CFAP47: variants seen among roughly 807,000 people sequenced by gnomAD.
CFAP47 encodes the protein cilia- and flagella-associated protein 47.
In CFAP47, 29 loss-of-function variants were observed where a neutral mutation model predicts 148.1. The observed-to-expected ratio is 0.20, with a 90% CI of 0.15 to 0.27. The LOEUF is 0.27. Among genes scored for constraint, CFAP47 ranks in the 10% least tolerant of loss-of-function variants. The probability of loss-of-function intolerance (pLI) is 1.00; values close to 1 mark genes in which losing one functional copy is unlikely to be tolerated. For missense variants in CFAP47, 1,872 were observed against 1,697.5 expected (o/e 1.10, Z -1.81); for synonymous variants, 664 against 577.3 (o/e 1.15, Z -2.15).
chrX:36,061,985 T>G (rs899276180), intron 26 of CFAP47, among the ~76,000 whole-genome samples: 2 of 111,925 alleles, frequency 1.8e-5, no homozygotes, highest in African/African-American at 6.5e-5. Flanking sequence ...TTTTAACCCT[T>G]CGTAGCCACT....
At chrX:36,235,147 G>T (rs922728855) in intron 46 of CFAP47, among the ~76,000 whole-genome samples, 18 of 111,655 alleles carry the variant, frequency 1.6e-4, no homozygotes, top group African/African-American at 5.5e-4. Flanking sequence ...TCTCTTCAAA[G>T]CTGTCAGACA....
At chrX:36,294,035 C>G (rs1556005988) in intron 51 of CFAP47, among the ~76,000 whole-genome samples, 2 of 111,187 alleles carry the variant, frequency 1.8e-5, no homozygotes, top group Admixed American at 9.5e-5. Flanking sequence ...TTTGAAAGGA[C>G]CCAGAGCAAG....
chrX:36,031,637 A>G (rs922136893), intron 23 of CFAP47, among the ~76,000 whole-genome samples: 1 of 110,030 alleles, frequency 9.1e-6, no homozygotes, highest in Admixed American at 9.8e-5. Context: ...TAATTAAATT[A>G]TTCCATTCTC....
rs1266616829 is a variant in CFAP47, at chrX:36,369,252, T to TA, written c.9185+2134dup. Reference sequence around the variant, plus strand: ...ATGTATGAAAAACACATTCAAAATATAAAAAAAAACAAACTCTGACTCTTC... The same window carrying TA: ...ATGTATGAAAAACACATTCAAAATATAAAAAAAAAACAAACTCTGACTCTTC... On this transcript the variant is annotated intron_variant, in intron 62 of 63. Transcript: ENST00000378653. Among the ~76,000 whole-genome samples the TA allele has an allele frequency of 2.1e-4, 23 of 109,202 alleles. No homozygotes were observed. The South Asian group carries it at 3.5e-3, about 17-fold the overall frequency. The allele number at this position is 109,202 out of a possible 115,157, so 94.8% of individuals were successfully genotyped here.
intron 63 of CFAP47, among the ~76,000 whole-genome samples, chrX:36,380,848 A>T (rs1942071964): frequency 8.9e-6 from 1 of 112,272 alleles, no homozygotes; most frequent in African/African-American, 3.2e-5. Flanking sequence ...TATTCATTTT[A>T]TCTAGCATAC....
intron 16 of CFAP47, among the ~76,000 whole-genome samples, chrX:35,990,889 G>A (rs901032967): frequency 9.0e-6 from 1 of 111,220 alleles, no homozygotes; most frequent in Non-Finnish European, 1.9e-5. Flanking sequence ...GAAAAAAATT[G>A]TGTCATGTCT....
intron 57 of CFAP47, among the ~76,000 whole-genome samples, chrX:36,341,986 G>A (rs1239662500): frequency 9.1e-6 from 1 of 110,416 alleles, no homozygotes; most frequent in Non-Finnish European, 1.9e-5. Context: ...GTGACTGTAT[G>A]GAAATGGATA....
intron 49 of CFAP47, among the ~76,000 whole-genome samples, chrX:36,277,386 C>G (rs782678054): frequency 1.8e-5 from 2 of 112,119 alleles, no homozygotes; most frequent in African/African-American, 6.5e-5. Flanking sequence ...CAGGCATGAT[C>G]TGTGCCTGGA....
At chrX:36,271,180 G>A (rs1940954707) in intron 49 of CFAP47, among the ~76,000 whole-genome samples, 1 of 111,857 alleles carries the variant, frequency 8.9e-6, no homozygotes, top group Non-Finnish European at 1.9e-5. Context: ...TTGTAGGGTA[G>A]TATGATATTA....
intron 19 of CFAP47, among the ~76,000 whole-genome samples, 151 bp from the exon 20 acceptor site, chrX:36,000,132 A>AGGTG (rs1486677489): frequency 9.0e-6 from 1 of 111,137 alleles, no homozygotes; most frequent in Non-Finnish European, 1.9e-5. Context: ...GGCATAGAGG[A>AGGTG]GGTGGGGGAG....
At chrX:36,091,530 T>A (rs978701601) in intron 30 of CFAP47, among the ~76,000 whole-genome samples, 1 of 111,776 alleles carries the variant, frequency 8.9e-6, no homozygotes, top group Non-Finnish European at 1.9e-5. Context: ...TAGATCTTAT[T>A]TAAATCTATA....
At chrX:36,275,051 G>T (rs1940999701) in intron 49 of CFAP47, among the ~76,000 whole-genome samples, 1 of 111,330 alleles carries the variant, frequency 9.0e-6, no homozygotes. Context: ...ATAAAAGGGT[G>T]TTGAATTCTG....
At chrX:36,367,548 C>T (rs1193141656) in intron 62 of CFAP47, among the ~76,000 whole-genome samples, 1 of 111,842 alleles carries the variant, frequency 8.9e-6, no homozygotes, top group Non-Finnish European at 1.9e-5. Context: ...CTAACATAGG[C>T]AGTCTGACAA....
At chrX:36,264,291 C>T (rs911653898) in intron 49 of CFAP47, among the ~76,000 whole-genome samples, 2 of 111,428 alleles carry the variant, frequency 1.8e-5, no homozygotes, top group Non-Finnish European at 3.8e-5. Flanking sequence ...ACGTACACCC[C>T]CCAGTCCATT....
chrX:36,384,838 T>C lies in CFAP47; in HGVS notation c.9396T>C (p.Thr3132=), dbSNP rs1215645559. The change falls in exon 64 of 64, where the codon ACT becomes ACC. Residue 3132 remains threonine (T), a synonymous_variant. Transcript: ENST00000378653. ...GGAAGTATGAGATCAATGGATTAACTCCAACTACCGTGCCACCAAAAAATG... is the reference window on the plus strand; with the variant it reads ...GGAAGTATGAGATCAATGGATTAACCCCAACTACCGTGCCACCAAAAAATG... The part of the protein sequence containing the change: ...MYWKYEINGL[T]PTTVPPKNAK... The C allele has an allele frequency of 8.6e-7, 1 of 1,166,798 alleles. No individual in the cohort carries two copies. The highest frequency in any genetic ancestry group is 1.1e-6 in the Non-Finnish European group (1 of 872,375).
At position 36,201,488 on chromosome X, in the gene CFAP47, G is replaced by T; in HGVS notation, c.6651G>T (p.Leu2217=). The change falls in exon 44 of 64, where the codon CTG becomes CTT. Residue 2217 remains leucine (L), a synonymous_variant. Coordinates refer to ENST00000378653, the MANE Select transcript of CFAP47 (RefSeq NM_001304548.2). ...SIRVAIALLG[L]TKIETLMLFR... ...GTGTGGCCATCGCCCTCCTGGGACT[G>T]ACGAAGATCGAGGTGGGAATGGAGT... 1 of 297,059 alleles carries T rather than the reference G, an allele frequency of 3.4e-6. No individual in the cohort carries two copies. The highest frequency in any genetic ancestry group is 2.0e-4 in the South Asian group (1 of 4,962). The allele number at this position is 297,059 out of a possible 1,213,427, so 24.5% of individuals were successfully genotyped here.
intron 26 of CFAP47, among the ~76,000 whole-genome samples, chrX:36,056,771 A>T (rs1468555219): frequency 8.9e-6 from 1 of 111,941 alleles, no homozygotes; most frequent in Non-Finnish European, 1.9e-5. Flanking sequence ...GAAGAGTGCC[A>T]CCTTGACTAA....
Position 35,968,856 on chromosome X carries a change from T to A in CFAP47, c.1814+1024T>A, listed in dbSNP as rs780099865. ...ATTGCCATATTATAGAAAAGAAAAT[T>A]CTGTTTTTTCCTCTGGCTCATTCTG... is the stretch of plus-strand genomic sequence containing the variant. On this transcript the variant is annotated intron_variant, in intron 10 of 63. Transcript: ENST00000378653. 5.4e-5 allele frequency among the ~76,000 whole-genome samples: 6 copies of A among 110,157 alleles called. No homozygotes were observed. In the South Asian group the frequency reaches 1.9e-3, roughly 34 times the overall value.
chrX:36,259,513 T>A (rs782059816), intron 49 of CFAP47, among the ~76,000 whole-genome samples: 4 of 111,167 alleles, frequency 3.6e-5, no homozygotes, highest in African/African-American at 1.3e-4. Context: ...ACTTCTCTAA[T>A]CCTCTAACAG....
Sources: allele counts gnomAD v4.1 joint callset (sites outside exome capture counted in the v4.1 genomes callset), GRCh38; gene constraint gnomAD v4.1.1; transcripts MANE v1.5; gene names NCBI Gene and HGNC (gene_info 2026-07-23, HGNC 2026-07-21).